Variants in CACNA2D3 observed in about 807,000 individuals in gnomAD.
The protein encoded by CACNA2D3 is voltage-dependent calcium channel subunit alpha-2/delta-3.
Under a neutral mutation model 160.6 loss-of-function variants are expected in CACNA2D3, and 60 were observed. The observed-to-expected ratio is 0.37, with a 90% CI of 0.30 to 0.46. The LOEUF (loss-of-function observed/expected upper bound fraction) is 0.46, where lower values mean the gene tolerates loss of function less well. Ranked by LOEUF, CACNA2D3 falls within the 20% of genes least tolerant of loss-of-function variation. The pLI is 1.00. For synonymous variants in CACNA2D3, 558 were observed against 492.9 expected (o/e 1.13, Z -1.75); for missense variants, 1,205 against 1,365.0 (o/e 0.88, Z 1.85).
At chr3:54,134,972 C>G (rs1699789933) in intron 2 of CACNA2D3, among the ~76,000 whole-genome samples, 1 of 152,232 alleles carries the variant, frequency 6.6e-6, no homozygotes, top group Non-Finnish European at 1.5e-5. Flanking sequence ...CCACCATCAA[C>G]CTGGGGGAGG....
At chr3:55,009,333 T>C in intron 33 of CACNA2D3, 55 bp from the exon 34 acceptor site, 1 of 1,446,562 alleles carries the variant, frequency 6.9e-7, no homozygotes, top group Non-Finnish European at 9.7e-7. Context: ...GTCACTGTTC[T>C]GTGATATGGG....
At chr3:54,176,566 C>G (rs981353034) in intron 2 of CACNA2D3, among the ~76,000 whole-genome samples, 3 of 152,216 alleles carry the variant, frequency 2.0e-5, no homozygotes, top group African/African-American at 7.2e-5. Context: ...CTGAGTTGTT[C>G]TGATTCAGCC....
chr3:54,246,655 C>T lies in CACNA2D3; in HGVS notation c.205-73787C>T, dbSNP rs191820824. On this transcript the variant is annotated intron_variant, in intron 2 of 37. Transcript: ENST00000474759. ...AGGATAATCACTTGAACCTGGGAGA[C>T]GGAGGCTGCAGTGAGCTGAGATTGC... is the stretch of plus-strand genomic sequence containing the variant. Among the ~76,000 whole-genome samples the T allele has an allele frequency of 2.8e-3, 428 of 151,164 alleles. 1 individual carries two copies. Among genetic ancestry groups the T allele is most frequent in the African/African-American group, 5.1e-3 (207 of 40,728 alleles).
chr3:54,746,240 A>G (rs1043229465), intron 11 of CACNA2D3, among the ~76,000 whole-genome samples: 9 of 152,248 alleles, frequency 5.9e-5, no homozygotes, highest in Non-Finnish European at 1.2e-4. Flanking sequence ...CTGCTTAAAG[A>G]TTAAGGATTT....
At chr3:54,419,901 G>T (rs936768616) in intron 4 of CACNA2D3, among the ~76,000 whole-genome samples, 2 of 152,102 alleles carry the variant, frequency 1.3e-5, no homozygotes, top group African/African-American at 4.8e-5. Flanking sequence ...GAGTAGCTGG[G>T]ACTACAGGTG....
chr3:55,041,125 A>C (rs1320241206), intron 35 of CACNA2D3, among the ~76,000 whole-genome samples: 1 of 152,156 alleles, frequency 6.6e-6, no homozygotes, highest in Non-Finnish European at 1.5e-5. Context: ...ATTCTGTTTC[A>C]AAGCTGCATG....
chr3:54,243,990 C>T (rs1702021278), intron 2 of CACNA2D3, among the ~76,000 whole-genome samples: 2 of 152,200 alleles, frequency 1.3e-5, no homozygotes, highest in Non-Finnish European at 2.9e-5. Flanking sequence ...TACAGGAGTC[C>T]TGCTCCCCCC....
chr3:54,753,690 A>G (rs1229517679), intron 12 of CACNA2D3, among the ~76,000 whole-genome samples: 5 of 152,232 alleles, frequency 3.3e-5, no homozygotes, highest in African/African-American at 9.6e-5. Flanking sequence ...ACTTGCCTCA[A>G]TGTTCTAATA....
chr3:54,176,929 G>C (rs73085931), intron 2 of CACNA2D3, among the ~76,000 whole-genome samples: 38,314 of 151,998 alleles, frequency 0.25, 4,981 homozygotes, highest in East Asian at 0.39. Context: ...TCAAAAGTTA[G>C]AAGGGCCTTG....
intron 4 of CACNA2D3, among the ~76,000 whole-genome samples, chr3:54,405,046 A>G (rs1268972632): frequency 6.6e-6 from 1 of 151,872 alleles, no homozygotes; most frequent in Admixed American, 6.6e-5. Flanking sequence ...CATGCTCATG[A>G]ATTGGAAGAA....
chr3:54,404,019 C>G (rs375573312), intron 4 of CACNA2D3, among the ~76,000 whole-genome samples: 1 of 152,022 alleles, frequency 6.6e-6, no homozygotes, highest in Non-Finnish European at 1.5e-5. Flanking sequence ...AAATAAAAGC[C>G]CAGGACCAGA....
intron 35 of CACNA2D3, among the ~76,000 whole-genome samples, chr3:55,066,960 C>G (rs1026785414): frequency 2.0e-5 from 3 of 152,154 alleles, no homozygotes; most frequent in African/African-American, 7.2e-5. Flanking sequence ...ACCCTGCACC[C>G]TGGGCCATAA....
intron 9 of CACNA2D3, among the ~76,000 whole-genome samples, chr3:54,598,496 G>A (rs1703002860): frequency 6.6e-6 from 1 of 152,054 alleles, no homozygotes; most frequent in Non-Finnish European, 1.5e-5. Context: ...ATGATGATGA[G>A]TGCTTTATTG....
rs184681268 is a variant in CACNA2D3, at chr3:54,504,753, C to A, written c.544+1099C>A. On this transcript the variant is annotated intron_variant, in intron 5 of 37. Coordinates refer to ENST00000474759, the MANE Select transcript of CACNA2D3 (RefSeq NM_018398.3). ...AGAGCAAGGGCTATGGGTTTAAGTCCTGATCTTCCTCTTGTAGGCTGTGTG... is the reference window on the plus strand; with the variant it reads ...AGAGCAAGGGCTATGGGTTTAAGTCATGATCTTCCTCTTGTAGGCTGTGTG... 1.1e-3 allele frequency among the ~76,000 whole-genome samples: 167 copies of A among 152,282 alleles called. 3 individuals are homozygous for A. Among genetic ancestry groups the A allele is most frequent in the African/African-American group, 3.8e-3 (156 of 41,576 alleles).
chr3:54,783,966 TTATA>T (rs1193776561), intron 13 of CACNA2D3, among the ~76,000 whole-genome samples: 1 of 152,226 alleles, frequency 6.6e-6, no homozygotes, highest in African/African-American at 2.4e-5. Context: ...ATCCTATAAT[TTATA>T]TAACCCCAAC....
intron 4 of CACNA2D3, among the ~76,000 whole-genome samples, chr3:54,422,807 C>T (rs540558450): frequency 2.0e-5 from 3 of 152,310 alleles, no homozygotes; most frequent in South Asian, 2.1e-4. Context: ...AGCAACTCCA[C>T]GCCTTGCAAT....
At chr3:54,124,924 A>G (rs73083927) in intron 2 of CACNA2D3, among the ~76,000 whole-genome samples, 19,888 of 152,074 alleles carry the variant, frequency 0.13, 1,351 homozygotes, top group Middle Eastern at 0.24. Context: ...AAGGAATTGC[A>G]TAGGAATTGC....
intron 29 of CACNA2D3, among the ~76,000 whole-genome samples, chr3:54,979,125 G>A (rs1399625698): frequency 6.6e-6 from 1 of 152,130 alleles, no homozygotes; most frequent in Non-Finnish European, 1.5e-5. Context: ...AGATATCTAT[G>A]AGTTGAGTAA....
intron 31 of CACNA2D3, among the ~76,000 whole-genome samples, chr3:54,993,106 G>T (rs1178027791): frequency 6.6e-6 from 1 of 152,144 alleles, no homozygotes; most frequent in East Asian, 1.9e-4. Flanking sequence ...TCCAATCTCG[G>T]CCCCACCTCC....
Sources: gnomAD v4.1 joint callset for allele counts (sites outside exome capture counted in the v4.1 genomes callset) on GRCh38, gnomAD v4.1.1 for gene constraint, MANE v1.5 for transcripts, NCBI Gene and HGNC (gene_info 2026-07-23, HGNC 2026-07-21) for gene names.